Variants in SEMA3D observed in about 807,000 individuals in gnomAD.
SEMA3D encodes semaphorin 3D.
A neutral mutation model predicts 100.1 loss-of-function variants in SEMA3D; 84 were observed. The ratio of observed to expected loss-of-function variants is 0.84; its 90% CI spans 0.70 to 1.01. The LOEUF is 1.01. Ranked by LOEUF, SEMA3D falls within the 50% of genes least tolerant of loss-of-function variation. SEMA3D has a pLI of 0.00. For missense variants in SEMA3D, 875 were observed against 934.1 expected, an observed-to-expected ratio of 0.94 and a Z score of 0.82; for synonymous variants, 312 against 320.7, an observed-to-expected ratio of 0.97 and a Z score of 0.29.
At chr7:85,112,196 T>C (rs1789113947) in intron 3 of SEMA3D, among the ~76,000 whole-genome samples, 1 of 152,172 alleles carries the variant, frequency 6.6e-6, no homozygotes, top group African/African-American at 2.4e-5. Flanking sequence ...AACTGACATC[T>C]CTACTTGAGA....
At chr7:85,049,016 GT>G (rs34144843) in intron 9 of SEMA3D, among the ~76,000 whole-genome samples, 39 of 150,942 alleles carry the variant, frequency 2.6e-4, no homozygotes, top group African/African-American at 6.3e-4. Context: ...GTTTTCAAAA[GT>G]TTTTTTTTCC....
chr7:85,114,768 A>T (rs1789190144), intron 3 of SEMA3D, among the ~76,000 whole-genome samples: 1 of 152,194 alleles, frequency 6.6e-6, no homozygotes, highest in African/African-American at 2.4e-5. Flanking sequence ...CTTATATATA[A>T]GAATAAGGGC....
At chr7:85,069,791 A>C (rs929134389) in intron 6 of SEMA3D, among the ~76,000 whole-genome samples, 4 of 152,256 alleles carry the variant, frequency 2.6e-5, no homozygotes, top group African/African-American at 4.8e-5. Flanking sequence ...CTGCAGCAGC[A>C]CAGGGGAGGT....
intron 1 of SEMA3D, among the ~76,000 whole-genome samples, chr7:85,162,893 A>G (rs1398151042): frequency 6.6e-6 from 1 of 152,150 alleles, no homozygotes; most frequent in Non-Finnish European, 1.5e-5. Flanking sequence ...TGAAAGGAAA[A>G]TAACATTTAA....
chr7:85,152,900 C>T (rs33995980), intron 2 of SEMA3D, among the ~76,000 whole-genome samples: 2 of 151,972 alleles, frequency 1.3e-5, no homozygotes, highest in African/African-American at 4.8e-5. Context: ...GTCTAGCAGC[C>T]TAAGGAACTG....
At position 85,020,288 on chromosome 7, in the gene SEMA3D, GA is replaced by G; in HGVS notation, c.1447del (p.Ser483GlnfsTer10). ...IGTVLKVVSISKEKWNMEEVV... is the reference protein window; with the variant it reads ...IGTVLKVVSIXKEKWNMEEVV... ...CTCTTCCATATTCCACTTTTCCTTT[GA>G]AATGCTGACAACTTTGAGGACAGTT... On this transcript the variant is annotated frameshift_variant, in exon 14 of 19. Coordinates refer to ENST00000284136, the MANE Select transcript of SEMA3D (RefSeq NM_001384900.1). LOFTEE classifies it high-confidence loss of function. 6.2e-7 allele frequency: 1 copy of G among 1,610,022 alleles called. No individual in the cohort carries two copies. The highest frequency in any genetic ancestry group is 8.5e-7 in the Non-Finnish European group (1 of 1,177,438).
At chr7:85,102,988 C>T (rs1051104837) in intron 3 of SEMA3D, among the ~76,000 whole-genome samples, 1 of 151,992 alleles carries the variant, frequency 6.6e-6, no homozygotes. Flanking sequence ...AGCAGCAAAA[C>T]GATTAAACAT....
the SEMA3D span, among the ~76,000 whole-genome samples, chr7:85,199,827 G>A: frequency 6.6e-6 from 1 of 151,862 alleles, no homozygotes; most frequent in Admixed American, 6.6e-5. Flanking sequence ...GTTTGGCTGT[G>A]TCCCCACAAT....
At chr7:85,135,003 AT>A (rs71082184) in intron 2 of SEMA3D, among the ~76,000 whole-genome samples, 5,736 of 149,182 alleles carry the variant, frequency 0.038, 156 homozygotes, top group Non-Finnish European at 0.057. Flanking sequence ...TTAGAACCAC[AT>A]TTTTTTTTTC....
chr7:85,241,456 A>C, the SEMA3D span, among the ~76,000 whole-genome samples: 1 of 77,382 alleles, frequency 1.3e-5, no homozygotes, highest in South Asian at 5.4e-4. Flanking sequence ...GAATAAAGAA[A>C]CTGTGTGTGT....
intron 3 of SEMA3D, among the ~76,000 whole-genome samples, chr7:85,111,423 T>G (rs994262590): frequency 6.6e-6 from 1 of 152,066 alleles, no homozygotes; most frequent in African/African-American, 2.4e-5. Context: ...TAGCTCCACC[T>G]GTAGACCACA....
In SEMA3D at chr7:84,999,716, A is replaced by C. The variant is rs1405376719; in HGVS notation, c.2058T>G (p.Asn686Lys). The part of the protein sequence containing the change: ...IVKLTLNVIE[N>K]EQMENTQRAE... ...CCCTCTGGGTATTTTCCATCTGTTCATTCTCAATGACATTCAAAGTCAGCT... is the reference window on the plus strand; with the variant it reads ...CCCTCTGGGTATTTTCCATCTGTTCCTTCTCAATGACATTCAAAGTCAGCT... The change falls in exon 19 of 19, where the codon AAT becomes AAG. Residue 686 changes from asparagine (N) to lysine (K), a missense_variant. Transcript: ENST00000284136. 1 of 1,613,838 alleles carries C rather than the reference A, an allele frequency of 6.2e-7. No individual in the cohort carries two copies. Among genetic ancestry groups the C allele is most frequent in the African/African-American group, 1.3e-5 (1 of 74,868 alleles).
chr7:85,116,215 T>C (rs915400184), intron 3 of SEMA3D, among the ~76,000 whole-genome samples: 14 of 149,006 alleles, frequency 9.4e-5, no homozygotes, highest in African/African-American at 3.4e-4. Flanking sequence ...CACATATACA[T>C]ATATAAATAC....
chr7:85,094,136 T>G (rs558969046), intron 4 of SEMA3D, among the ~76,000 whole-genome samples: 2 of 151,160 alleles, frequency 1.3e-5, no homozygotes, highest in African/African-American at 4.8e-5. Context: ...AAAGAGAGGG[T>G]GGGGAGAGAG....
Position 85,016,791 on chromosome 7 carries a change from T to A in SEMA3D, c.1545+1461A>T, listed in dbSNP as rs927793021. On this transcript the variant is annotated intron_variant, in intron 15 of 18. Transcript: ENST00000284136. The stretch of plus-strand genomic sequence containing the variant: ...GTTTGTTTTCCTTTTCAATGGCTTT[T>A]TTTTTTTTTTTTGAGCCAGGTTCTC... 1.8e-3 allele frequency among the ~76,000 whole-genome samples: 267 copies of A among 150,116 alleles called. 2 individuals carry two copies. The highest frequency in any genetic ancestry group is 1.8e-3 in the Non-Finnish European group (124 of 67,358).
At chr7:85,017,317 G>GT (rs1584526581) in intron 15 of SEMA3D, among the ~76,000 whole-genome samples, 1 of 151,666 alleles carries the variant, frequency 6.6e-6, no homozygotes, top group African/African-American at 2.4e-5. Flanking sequence ...ACTGTGCAGT[G>GT]TAAGTGTCTT....
chr7:85,147,440 A>G lies in SEMA3D; in HGVS notation c.-41+6168T>C, dbSNP rs533289203. On this transcript the variant is annotated intron_variant, in intron 2 of 18. Transcript: ENST00000284136. The stretch of plus-strand genomic sequence containing the variant: ...GCTGGGATTACAGGCTTGAGCCACC[A>G]TGCCTGGCCTCTGTCAGTCTTTCTA... Among the ~76,000 whole-genome samples, 358 of 152,038 alleles carry G rather than the reference A, an allele frequency of 2.4e-3. 2 individuals carry two copies. Among genetic ancestry groups the G allele is most frequent in the African/African-American group, 7.9e-3 (327 of 41,508 alleles).
At position 85,005,588 on chromosome 7, in the gene SEMA3D, T is replaced by G. The variant is rs1021470399; in HGVS notation, c.1908+1214A>C. ...TAAATTCTTCATGTAACAGTAGAGC[T>G]ATATCTTTAAATTAATTTCTTATGA... On this transcript the variant is annotated intron_variant, in intron 18 of 18. Coordinates refer to ENST00000284136, the MANE Select transcript of SEMA3D (RefSeq NM_001384900.1). Among the ~76,000 whole-genome samples the G allele has an allele frequency of 3.3e-5, 5 of 152,110 alleles. No homozygotes were observed. In the South Asian group the frequency reaches 1.0e-3, roughly 31 times the overall value.
intron 4 of SEMA3D, among the ~76,000 whole-genome samples, chr7:85,090,720 T>C (rs1788360825): frequency 6.6e-6 from 1 of 152,172 alleles, no homozygotes; most frequent in Admixed American, 6.5e-5. Flanking sequence ...CATTCTGATT[T>C]ATAATAGTAT....
Sources: gnomAD v4.1 joint callset for allele counts (sites outside exome capture counted in the v4.1 genomes callset) on GRCh38, gnomAD v4.1.1 for gene constraint, MANE v1.5 for transcripts, NCBI Gene and HGNC (gene_info 2026-07-23, HGNC 2026-07-21) for gene names.